EDIL3: variants seen among roughly 807,000 people sequenced by gnomAD.
EDIL3 encodes EGF like and discoidin domains 3.
In EDIL3, 37 loss-of-function variants were observed where a neutral mutation model predicts 67.4. That is an observed-to-expected ratio of 0.55 (90% CI 0.42 to 0.72). The LOEUF is 0.72. Among genes scored for constraint, EDIL3 ranks in the 30% least tolerant of loss-of-function variants. The probability of loss-of-function intolerance (pLI) is 0.00; values close to 1 mark genes in which losing one functional copy is unlikely to be tolerated. For synonymous variants in EDIL3, 195 were observed against 196.3 expected, an observed-to-expected ratio of 0.99 and a Z score of 0.05; for missense variants, 527 against 586.3, an observed-to-expected ratio of 0.90 and a Z score of 1.04.
intron 2 of EDIL3, among the ~76,000 whole-genome samples, chr5:84,253,565 G>A (rs760282555): frequency 3.4e-4 from 51 of 152,080 alleles, no homozygotes; most frequent in Non-Finnish European, 5.3e-4. Context: ...AATTTTTGCA[G>A]AGCAAATTTT....
intron 5 of EDIL3, among the ~76,000 whole-genome samples, chr5:84,135,115 C>T (rs1453682738): frequency 6.6e-6 from 1 of 152,114 alleles, no homozygotes; most frequent in African/African-American, 2.4e-5. Context: ...TTCCTCCATG[C>T]CCTAGAGCTC....
rs73769740 is a variant in EDIL3 at position 84,143,567 on chromosome 5, C to A, written c.356-6213G>T. 8.3e-3 allele frequency among the ~76,000 whole-genome samples: 1,261 copies of A among 151,986 alleles called. 18 individuals carry two copies. Among genetic ancestry groups the A allele is most frequent in the African/African-American group, 0.029 (1,212 of 41,462 alleles). On this transcript the variant is annotated intron_variant, in intron 4 of 10. Transcript: ENST00000296591. ...TACTAGTACGCAGGCAATATTCATC[C>A]CAATTATCTGGGTTGTTTATATTAA...
chr5:83,956,452 C>A (rs972637602), intron 10 of EDIL3, among the ~76,000 whole-genome samples: 1 of 151,710 alleles, frequency 6.6e-6, no homozygotes, highest in Non-Finnish European at 1.5e-5. Context: ...TGTACCTTAA[C>A]AACTGCTATC....
intron 1 of EDIL3, among the ~76,000 whole-genome samples, chr5:84,347,365 G>A (rs865880052): frequency 6.6e-6 from 1 of 152,142 alleles, no homozygotes; most frequent in South Asian, 2.1e-4. Flanking sequence ...TAAGTGGAAA[G>A]AAATGCTATG....
At chr5:84,119,216 T>TTTG (rs1327381713) in intron 5 of EDIL3, among the ~76,000 whole-genome samples, 1 of 144,502 alleles carries the variant, frequency 6.9e-6, no homozygotes, top group Non-Finnish European at 1.5e-5. Flanking sequence ...CATTTGGTTT[T>TTTG]TTTTTTTTTT....
At chr5:84,095,173 C>G (rs1747241649) in intron 6 of EDIL3, among the ~76,000 whole-genome samples, 2 of 152,220 alleles carry the variant, frequency 1.3e-5, no homozygotes, top group African/African-American at 4.8e-5. Context: ...CATATTTTTA[C>G]TGTGAAGTCT....
chr5:84,227,372 C>T (rs760237823), intron 3 of EDIL3, among the ~76,000 whole-genome samples: 1 of 151,920 alleles, frequency 6.6e-6, no homozygotes, highest in Non-Finnish European at 1.5e-5. Flanking sequence ...AAATCAAAAA[C>T]CACAATGAGA....
intron 1 of EDIL3, among the ~76,000 whole-genome samples, chr5:84,344,592 G>A (rs775737427): frequency 2.1e-4 from 32 of 151,980 alleles, no homozygotes; most frequent in Admixed American, 1.7e-3. Flanking sequence ...AGATTTAAAT[G>A]TTCATTAATG....
intron 4 of EDIL3, among the ~76,000 whole-genome samples, chr5:84,140,999 G>T (rs150886178): frequency 6.6e-6 from 1 of 152,064 alleles, no homozygotes; most frequent in East Asian, 1.9e-4. Context: ...TTTAATTAAA[G>T]ACTAGATAAA....
At chr5:84,052,369 A>T (rs1746356733) in intron 9 of EDIL3, among the ~76,000 whole-genome samples, 1 of 152,234 alleles carries the variant, frequency 6.6e-6, no homozygotes, top group African/African-American at 2.4e-5. Flanking sequence ...CAAATTGTAA[A>T]GACCATCAAT....
intron 9 of EDIL3, among the ~76,000 whole-genome samples, chr5:84,054,914 C>G (rs1561416716): frequency 6.9e-6 from 1 of 145,750 alleles, no homozygotes; most frequent in Non-Finnish European, 1.5e-5. Context: ...AATGCCATCC[C>G]CATCAAGCTA....
chr5:84,384,504 T>C lies in EDIL3; in HGVS notation c.-130A>G, dbSNP rs896657768. 1.2e-5 allele frequency: 10 copies of C among 844,428 alleles called. No homozygotes were observed. The highest frequency in any genetic ancestry group is 2.3e-4 in the Middle Eastern group (1 of 4,380). The allele number at this position is 844,428 out of a possible 1,614,324, so 52.3% of individuals were successfully genotyped here. On this transcript the variant is annotated 5_prime_UTR_variant, in exon 1 of 11. Transcript: ENST00000296591. ...GAATTCAAGAAGACGTTCTCTTTCC[T>C]CAGCGCTTTGTTAAACAAATTCTTG...
intron 9 of EDIL3, among the ~76,000 whole-genome samples, chr5:84,035,871 A>G (rs966979671): frequency 6.6e-6 from 1 of 152,176 alleles, no homozygotes; most frequent in Non-Finnish European, 1.5e-5. Flanking sequence ...ATTTACCAGT[A>G]TACACATTTT....
At chr5:84,128,358 G>A (rs1346694668) in intron 5 of EDIL3, among the ~76,000 whole-genome samples, 5 of 152,048 alleles carry the variant, frequency 3.3e-5, no homozygotes, top group Admixed American at 1.3e-4. Context: ...CGGAAATCCC[G>A]GTGGTTTGTG....
chr5:84,125,987 TG>T (rs1461346640), intron 5 of EDIL3, among the ~76,000 whole-genome samples: 1 of 151,980 alleles, frequency 6.6e-6, no homozygotes, highest in Admixed American at 6.6e-5. Context: ...CTTTTAAATG[TG>T]GGTTCAAGTC....
intron 1 of EDIL3, among the ~76,000 whole-genome samples, chr5:84,266,862 T>C (rs2112091155): frequency 6.6e-6 from 1 of 152,330 alleles, no homozygotes; most frequent in South Asian, 2.1e-4. Context: ...TTTGTTAGTA[T>C]ATTTTATCAT....
chr5:84,065,360 C>A (rs1375196421), intron 7 of EDIL3, among the ~76,000 whole-genome samples: 1 of 152,058 alleles, frequency 6.6e-6, no homozygotes, highest in Non-Finnish European at 1.5e-5. Context: ...AATAGAATTC[C>A]TTATTAAAAT....
intron 9 of EDIL3, chr5:84,047,471 C>G (rs971777809): frequency 6.6e-6 from 1 of 151,970 alleles, no homozygotes; most frequent in Non-Finnish European, 1.5e-5. Context: ...TAAAAGTTAA[C>G]TTTTTATAGG....
chr5:84,363,501 T>C (rs998794225), intron 1 of EDIL3, among the ~76,000 whole-genome samples: 1 of 152,170 alleles, frequency 6.6e-6, no homozygotes, highest in South Asian at 2.1e-4. Flanking sequence ...ATATATGATT[T>C]TGAAATTGAG....
Sources: gnomAD v4.1 joint callset for allele counts (sites outside exome capture counted in the v4.1 genomes callset) on GRCh38, gnomAD v4.1.1 for gene constraint, MANE v1.5 for transcripts, NCBI Gene and HGNC (gene_info 2026-07-23, HGNC 2026-07-21) for gene names.